OXR1: variants seen among roughly 807,000 people sequenced by gnomAD.
OXR1 encodes oxidation resistance protein 1.
Under a neutral mutation model 104.6 loss-of-function variants are expected in OXR1, and 41 were observed. The ratio of observed to expected loss-of-function variants is 0.39; its 90% CI spans 0.31 to 0.51. The LOEUF (loss-of-function observed/expected upper bound fraction) is 0.51, where lower values mean the gene tolerates loss of function less well. Among genes scored for constraint, OXR1 ranks in the 20% least tolerant of loss-of-function variants. The pLI is 0.77. For synonymous variants in OXR1, 348 were observed against 348.4 expected, an observed-to-expected ratio of 1.00 and a Z score of 0.01; for missense variants, 955 against 1,031.9, an observed-to-expected ratio of 0.93 and a Z score of 1.02.
At chr8:106,516,240 T>TA (rs376548457) in intron 2 of OXR1, among the ~76,000 whole-genome samples, 1 of 152,298 alleles carries the variant, frequency 6.6e-6, no homozygotes, top group African/African-American at 2.4e-5. Flanking sequence ...CTATGAGCCC[T>TA]ACTTGGCTGT....
At chr8:106,386,189 A>G (rs1014115696) in intron 2 of OXR1, among the ~76,000 whole-genome samples, 1 of 152,192 alleles carries the variant, frequency 6.6e-6, no homozygotes, top group Non-Finnish European at 1.5e-5. Context: ...GCTAGATTAC[A>G]TTCTCTGCAA....
intron 2 of OXR1, among the ~76,000 whole-genome samples, chr8:106,430,272 C>T (rs1413099474): frequency 3.3e-5 from 5 of 152,120 alleles, no homozygotes; most frequent in African/African-American, 9.7e-5. Context: ...AATTAGCTAG[C>T]ATTTAAAAAC....
chr8:106,465,958 A>G (rs1821151423), intron 2 of OXR1, among the ~76,000 whole-genome samples: 1 of 151,990 alleles, frequency 6.6e-6, no homozygotes, highest in Non-Finnish European at 1.5e-5. Context: ...TCATTTGCAA[A>G]TGAGACTGAC....
intron 2 of OXR1, among the ~76,000 whole-genome samples, chr8:106,390,813 AC>A (rs555066199): frequency 3.9e-4 from 59 of 152,262 alleles, no homozygotes; most frequent in South Asian, 1.5e-3. Context: ...TGTATAGATT[AC>A]CCAAGTAGAC....
Position 106,449,655 on chromosome 8 carries a change from A to T in OXR1, c.24-69288A>T, listed in dbSNP as rs138432045. Among the ~76,000 whole-genome samples, 536 of 152,332 alleles carry T rather than the reference A, an allele frequency of 3.5e-3. 3 individuals are homozygous for T. Among genetic ancestry groups the T allele is most frequent in the African/African-American group, 0.012 (503 of 41,570 alleles). On this transcript the variant is annotated intron_variant, in intron 2 of 16. Coordinates refer to ENST00000517566, the MANE Select transcript of OXR1 (RefSeq NM_001198533.2). Reference sequence around the variant, plus strand: ...GAAGCTTGGTAATAGATTTCTTAAAAATTAAAATAAATCCAATCCCAAATT... The same window carrying T: ...GAAGCTTGGTAATAGATTTCTTAAATATTAAAATAAATCCAATCCCAAATT...
At position 106,489,860 on chromosome 8, in the gene OXR1, T is replaced by C. The variant is rs1810958770; in HGVS notation, c.24-29083T>C. On this transcript the variant is annotated intron_variant, in intron 2 of 16. Coordinates refer to ENST00000517566, the MANE Select transcript of OXR1 (RefSeq NM_001198533.2). The stretch of plus-strand genomic sequence containing the variant: ...TTTAACCTTTTCTACTGCATATATT[T>C]CTCACCTATCACATAACTTTTTTCC... Among the ~76,000 whole-genome samples the C allele has an allele frequency of 2.0e-5, 3 of 152,202 alleles. No individual in the cohort carries two copies. The South Asian group carries it at 6.2e-4, about 31-fold the overall frequency.
At chr8:106,274,387 T>C (rs1234075955) in intron 1 of OXR1, among the ~76,000 whole-genome samples, 1 of 152,230 alleles carries the variant, frequency 6.6e-6, no homozygotes, top group Admixed American at 6.5e-5. Context: ...ATTTGGTCGT[T>C]GTATCTACCC....
At chr8:106,371,940 G>T (rs557597184) in intron 2 of OXR1, among the ~76,000 whole-genome samples, 1 of 152,312 alleles carries the variant, frequency 6.6e-6, no homozygotes, top group South Asian at 2.1e-4. Context: ...CCCTTCCCCT[G>T]CCCAGGGAGC....
At chr8:106,490,219 T>G (rs1455255743) in intron 2 of OXR1, among the ~76,000 whole-genome samples, 1 of 152,168 alleles carries the variant, frequency 6.6e-6, no homozygotes, top group Non-Finnish European at 1.5e-5. Flanking sequence ...CTGCTTAAAG[T>G]ATTTGAAAGC....
chr8:106,743,657 A>C (rs1038735188), intron 15 of OXR1, among the ~76,000 whole-genome samples: 2 of 152,182 alleles, frequency 1.3e-5, no homozygotes, highest in East Asian at 3.9e-4. Context: ...GTGGGAGTGT[A>C]AATTAGTTCA....
chr8:106,727,129 G>T (rs1352735392), intron 11 of OXR1, among the ~76,000 whole-genome samples: 1 of 151,658 alleles, frequency 6.6e-6, no homozygotes, highest in African/African-American at 2.4e-5. Flanking sequence ...GAGGGATTTA[G>T]GCACCTGAAA....
chr8:106,623,941 A>G (rs1054849118), intron 3 of OXR1, among the ~76,000 whole-genome samples: 7 of 152,230 alleles, frequency 4.6e-5, no homozygotes, highest in Admixed American at 3.9e-4. Flanking sequence ...CCAGAACAAG[A>G]AATTCTGTTT....
At chr8:106,372,085 A>T (rs373356463) in intron 2 of OXR1, among the ~76,000 whole-genome samples, 19 of 152,196 alleles carry the variant, frequency 1.2e-4, no homozygotes, top group African/African-American at 4.3e-4. Context: ...GCTTAGGCAG[A>T]TTCCAGCTGA....
intron 1 of OXR1, among the ~76,000 whole-genome samples, chr8:106,357,430 C>T (rs1365299956): frequency 2.0e-5 from 3 of 152,104 alleles, no homozygotes; most frequent in African/African-American, 7.2e-5. Context: ...GTGGATGAAA[C>T]TTCATAGCTG....
chr8:106,275,279 A>G (rs1811992107), intron 1 of OXR1, among the ~76,000 whole-genome samples: 1 of 152,282 alleles, frequency 6.6e-6, no homozygotes, highest in South Asian at 2.1e-4. Flanking sequence ...TTCCTTAGCA[A>G]ATGATTATTG....
At chr8:106,597,421 G>A (rs377413477) in intron 3 of OXR1, among the ~76,000 whole-genome samples, 119 of 152,248 alleles carry the variant, frequency 7.8e-4, no homozygotes, top group African/African-American at 2.8e-3. Flanking sequence ...ATAGATTTCT[G>A]TTCTTTGTAA....
chr8:106,401,792 C>T (rs181121459), intron 2 of OXR1, among the ~76,000 whole-genome samples: 12 of 152,248 alleles, frequency 7.9e-5, no homozygotes, highest in East Asian at 1.9e-4. Context: ...CCCTGGCATG[C>T]GGTAAGTCTA....
chr8:106,395,442 A>G (rs1817738105), intron 2 of OXR1, among the ~76,000 whole-genome samples: 1 of 152,150 alleles, frequency 6.6e-6, no homozygotes, highest in Admixed American at 6.6e-5. Context: ...GCAGCAAGAG[A>G]CAATGAGGAA....
chr8:106,444,640 G>C (rs1819938619), intron 2 of OXR1, among the ~76,000 whole-genome samples: 1 of 152,032 alleles, frequency 6.6e-6, no homozygotes, highest in African/African-American at 2.4e-5. Flanking sequence ...TAAACAATGA[G>C]AACACAAGGA....
Sources: gnomAD v4.1 joint callset for allele counts (sites outside exome capture counted in the v4.1 genomes callset) on GRCh38, gnomAD v4.1.1 for gene constraint, MANE v1.5 for transcripts, NCBI Gene and HGNC (gene_info 2026-07-23, HGNC 2026-07-21) for gene names.